ADAM18: variants seen among roughly 807,000 people sequenced by gnomAD.
ADAM18 encodes ADAM metallopeptidase domain 18.
In ADAM18, 117 loss-of-function variants were observed where a neutral mutation model predicts 94.4. The ratio of observed to expected loss-of-function variants is 1.24; its 90% CI spans 1.07 to 1.45. The LOEUF (loss-of-function observed/expected upper bound fraction) is 1.45. ADAM18 is among the 40% of genes most tolerant of loss of function. The pLI is 0.00. For synonymous variants in ADAM18, 327 were observed against 291.6 expected, an observed-to-expected ratio of 1.12 and a Z score of -1.24; for missense variants, 936 against 880.0, an observed-to-expected ratio of 1.06 and a Z score of -0.81.
chr8:39,642,449 A>C (rs764596418), intron 10 of ADAM18, among the ~76,000 whole-genome samples: 38 of 152,002 alleles, frequency 2.5e-4, no homozygotes, highest in South Asian at 4.1e-4. Flanking sequence ...GGTATAAGGA[A>C]GGGGCCCTGT....
intron 2 of ADAM18, chr8:39,605,712 T>A: frequency 4.3e-6 from 1 of 230,016 alleles, no homozygotes. Context: ...TTATTTTATT[T>A]TATTTTTATT....
chr8:39,677,578 T>G, intron 15 of ADAM18, 42 bp downstream of exon 15: 1 of 1,432,962 alleles, frequency 7.0e-7, no homozygotes, highest in Non-Finnish European at 9.5e-7. Flanking sequence ...ATCATAAAAA[T>G]TATGTATTTT....
intron 7 of ADAM18, among the ~76,000 whole-genome samples, chr8:39,634,632 C>T (rs1322642571): frequency 6.6e-6 from 1 of 152,140 alleles, no homozygotes; most frequent in Non-Finnish European, 1.5e-5. Context: ...CTGCTATTCC[C>T]TTCTTCTTGA....
intron 14 of ADAM18, among the ~76,000 whole-genome samples, chr8:39,668,813 A>C (rs989941034): frequency 6.6e-6 from 1 of 152,000 alleles, no homozygotes; most frequent in Admixed American, 6.6e-5. Context: ...AGTGAAATGC[A>C]TATATATATA....
chr8:39,639,900 A>G (rs1041197124), intron 10 of ADAM18, among the ~76,000 whole-genome samples: 1 of 151,996 alleles, frequency 6.6e-6, no homozygotes, highest in Admixed American at 6.6e-5. Context: ...CCTTTGTATT[A>G]TGTGTATCCC....
Position 39,638,491 on chromosome 8 carries a change from G to T in ADAM18, c.854G>T (p.Gly285Val). ...LVYRKHPKYV[G>V]ATFPGTVCNK... ...TACAGGAAACATCCTAAATATGTGG[G>T]AGCAACATTTCCTGGCACTGTATGC... The change falls in exon 10 of 20, where the codon GGA becomes GTA. Residue 285 changes from glycine (G) to valine (V), a missense_variant. Gly to Val is a moderately radical substitution (Grantham distance 109, BLOSUM62 -3). Transcript: ENST00000265707. 6.4e-7 allele frequency: 1 copy of T among 1,569,132 alleles called. No individual in the cohort carries two copies.
At chr8:39,609,630 C>G in intron 5 of ADAM18, 69 bp downstream of exon 5, 1 of 1,032,266 alleles carries the variant, frequency 9.7e-7, no homozygotes, top group South Asian at 1.6e-5. Context: ...AACTTAGTGA[C>G]TAGCAGACAC....
chr8:39,691,302 CT>C (rs1821770924), intron 16 of ADAM18, among the ~76,000 whole-genome samples: 1 of 152,042 alleles, frequency 6.6e-6, no homozygotes, highest in South Asian at 2.1e-4. Flanking sequence ...TCACCTGAAA[CT>C]TTTAAAATAC....
chr8:39,627,195 G>C (rs758291211), intron 6 of ADAM18, among the ~76,000 whole-genome samples: 45 of 152,108 alleles, frequency 3.0e-4, no homozygotes, highest in Non-Finnish European at 4.6e-4. Flanking sequence ...AATTTGTAAA[G>C]TAAAAAGGTT....
chr8:39,620,977 A>G (rs931489775), intron 6 of ADAM18, among the ~76,000 whole-genome samples: 1 of 152,022 alleles, frequency 6.6e-6, no homozygotes, highest in African/African-American at 2.4e-5. Context: ...CAATCTATGC[A>G]TAGAACAAAA....
At chr8:39,587,500 A>G (rs1319652440) in intron 2 of ADAM18, among the ~76,000 whole-genome samples, 1 of 152,218 alleles carries the variant, frequency 6.6e-6, no homozygotes, top group African/African-American at 2.4e-5. Context: ...GCTGGAGTGC[A>G]GTGGTGTGAT....
At chr8:39,585,534 T>A (rs1327891945) in intron 2 of ADAM18, among the ~76,000 whole-genome samples, 182 bp downstream of exon 2, 2 of 152,224 alleles carry the variant, frequency 1.3e-5, no homozygotes, top group Non-Finnish European at 2.9e-5. Flanking sequence ...CTTATTTCCC[T>A]GTCTTTTCTC....
chr8:39,620,357 C>CAAAAAAAAAAAAAAAACAAAAAAAAA (rs1819574465), intron 6 of ADAM18, among the ~76,000 whole-genome samples: 1 of 90,566 alleles, frequency 1.1e-5, no homozygotes, highest in Non-Finnish European at 2.1e-5. Flanking sequence ...GCAACAAAAG[C>CAAAAAAAAAAAAAAAACAAAAAAAAA]AAAAAAAAAA....
rs1563321698 is a variant in ADAM18, at chr8:39,722,983, T to C, written c.2018-765T>C. Among the ~76,000 whole-genome samples the C allele has an allele frequency of 4.3e-5, 3 of 69,598 alleles. No individual in the cohort carries two copies. The South Asian group carries it at 1.2e-3, about 29-fold the overall frequency. The allele number at this position is 69,598 out of a possible 152,430, so 45.7% of individuals were successfully genotyped here. On this transcript the variant is annotated intron_variant, in intron 18 of 19. Transcript: ENST00000265707. ...ATAATAATTAAACAAACCATGATCATTGTAACGTTTGGAGAGGAGAAGGAT... is the reference window on the plus strand; with the variant it reads ...ATAATAATTAAACAAACCATGATCACTGTAACGTTTGGAGAGGAGAAGGAT...
chr8:39,717,081 A>C (rs1046299101), intron 18 of ADAM18, among the ~76,000 whole-genome samples: 2 of 151,622 alleles, frequency 1.3e-5, no homozygotes, highest in Non-Finnish European at 3.0e-5. Context: ...ATTTGCTTTG[A>C]TTACTCTTTT....
intron 18 of ADAM18, among the ~76,000 whole-genome samples, chr8:39,717,865 TA>T (rs1417385618): frequency 2.0e-5 from 3 of 151,532 alleles, no homozygotes; most frequent in African/African-American, 7.3e-5. Context: ...CCCTATGACC[TA>T]ATAGTGAAAA....
At chr8:39,608,744 A>G (rs1418290550) in intron 3 of ADAM18, among the ~76,000 whole-genome samples, 2 of 152,020 alleles carry the variant, frequency 1.3e-5, no homozygotes, top group African/African-American at 4.8e-5. Context: ...CAGCACCTAC[A>G]TGAGGGTCCG....
intron 18 of ADAM18, among the ~76,000 whole-genome samples, chr8:39,707,394 G>A (rs1004187832): frequency 5.3e-5 from 8 of 152,156 alleles, no homozygotes; most frequent in Non-Finnish European, 1.2e-4. Flanking sequence ...ATTTCTACAG[G>A]TTCAAATGTC....
Position 39,648,384 on chromosome 8 carries a change from C to G in ADAM18, c.1087C>G (p.His363Asp). The G allele has an allele frequency of 1.2e-6, 2 of 1,610,546 alleles. No homozygotes were observed. The highest frequency in any genetic ancestry group is 8.5e-7 in the Non-Finnish European group (1 of 1,178,600). Residue 363 changes from histidine (H) to aspartate (D), a missense_variant, in exon 12 of 20, where the codon CAC becomes GAC. His to Asp is a moderately conservative substitution (Grantham distance 81). Transcript: ENST00000265707. Reference protein sequence around the residue: ...GRKIFSNCSMHDYRYFVSKFE... With the variant: ...GRKIFSNCSMDDYRYFVSKFE... Reference sequence around the variant, plus strand: ...AAAGATTTTTAGCAACTGCAGCATGCACGACTATAGATATTTTGTTTCAAA... The same window carrying G: ...AAAGATTTTTAGCAACTGCAGCATGGACGACTATAGATATTTTGTTTCAAA...
Sources: gnomAD v4.1 joint callset for allele counts (sites outside exome capture counted in the v4.1 genomes callset) on GRCh38, gnomAD v4.1.1 for gene constraint, MANE v1.5 for transcripts, NCBI Gene and HGNC (gene_info 2026-07-23, HGNC 2026-07-21) for gene names.